Variants in NRXN1 observed in about 807,000 individuals in gnomAD.
NRXN1 encodes neurexin 1.
In NRXN1, 39 loss-of-function variants were observed where a neutral mutation model predicts 150.9. The ratio of observed to expected loss-of-function variants is 0.26; its 90% CI spans 0.20 to 0.34. The LOEUF (loss-of-function observed/expected upper bound fraction) is 0.34, where lower values mean the gene tolerates loss of function less well. NRXN1 is among the 10% of genes least tolerant of loss of function. The pLI is 1.00. For synonymous variants in NRXN1, 924 were observed against 757.0 expected (o/e 1.22, Z -3.62); for missense variants, 1,815 against 1,949.9 (o/e 0.93, Z 1.30).
rs887523759 is a variant in NRXN1 at position 50,630,912 on chromosome 2, A to G, written c.833-7297T>C. On this transcript the variant is annotated intron_variant, in intron 5 of 22. Coordinates refer to ENST00000401669, the MANE Select transcript of NRXN1 (RefSeq NM_001330078.2). ...TTAGAAGTCTGCATTATTAAAACAA[A>G]TAAGCCAGGCTGTCTCTGCTATAAG... is the stretch of plus-strand genomic sequence containing the variant. Among the ~76,000 whole-genome samples the G allele has an allele frequency of 2.0e-5, 3 of 151,800 alleles. No individual in the cohort carries two copies. The South Asian group carries it at 6.2e-4, about 31-fold the overall frequency.
At chr2:50,176,195 T>C (rs936127930) in intron 18 of NRXN1, among the ~76,000 whole-genome samples, 2 of 152,208 alleles carry the variant, frequency 1.3e-5, no homozygotes, top group African/African-American at 4.8e-5. Context: ...TATATGTTTT[T>C]CAGCCCAATG....
chr2:50,368,470 A>G (rs2079767067), intron 17 of NRXN1, among the ~76,000 whole-genome samples: 1 of 152,012 alleles, frequency 6.6e-6, no homozygotes, highest in Non-Finnish European at 1.5e-5. Context: ...CTTTTAGCAG[A>G]AATGTTTGTA....
chr2:50,741,070 T>C (rs184059441), intron 5 of NRXN1, among the ~76,000 whole-genome samples: 29 of 152,250 alleles, frequency 1.9e-4, no homozygotes, highest in African/African-American at 5.3e-4. Context: ...CAGAGCATAA[T>C]TGTGTCTCCC....
At chr2:50,394,323 C>T (rs2081928393) in intron 17 of NRXN1, among the ~76,000 whole-genome samples, 1 of 152,072 alleles carries the variant, frequency 6.6e-6, no homozygotes, top group Admixed American at 6.6e-5. Flanking sequence ...AAACCAAAGT[C>T]TAAAAACAAC....
intron 18 of NRXN1, among the ~76,000 whole-genome samples, chr2:50,197,325 C>A (rs1306373791): frequency 6.6e-6 from 1 of 152,082 alleles, no homozygotes; most frequent in Admixed American, 6.6e-5. Flanking sequence ...TCTTACATGC[C>A]ATTAGCATAT....
At chr2:50,423,904 T>C (rs2084216670) in intron 17 of NRXN1, among the ~76,000 whole-genome samples, 1 of 152,014 alleles carries the variant, frequency 6.6e-6, no homozygotes, top group Non-Finnish European at 1.5e-5. Flanking sequence ...GTATCTGCCA[T>C]AGGCAACAGC....
At chr2:50,036,619 T>A (rs1690083864) in intron 21 of NRXN1, among the ~76,000 whole-genome samples, 1 of 152,170 alleles carries the variant, frequency 6.6e-6, no homozygotes, top group Non-Finnish European at 1.5e-5. Flanking sequence ...TTTTCCTCAT[T>A]TCTTAAGGTG....
At chr2:50,700,633 A>G (rs1342422640) in intron 5 of NRXN1, among the ~76,000 whole-genome samples, 1 of 152,140 alleles carries the variant, frequency 6.6e-6, no homozygotes, top group Non-Finnish European at 1.5e-5. Context: ...GCTCTAATAA[A>G]ATACCCTATT....
intron 5 of NRXN1, among the ~76,000 whole-genome samples, chr2:50,805,908 A>G (rs925032442): frequency 2.0e-5 from 3 of 152,086 alleles, no homozygotes; most frequent in African/African-American, 7.2e-5. Flanking sequence ...TAATAATCAC[A>G]CAGAATATTC....
chr2:50,531,440 G>T lies in NRXN1; in HGVS notation c.2144-10C>A. On this transcript the variant is annotated splice_polypyrimidine_tract_variant and intron_variant, in intron 10 of 22. Transcript: ENST00000401669. ...CTCAAAACCGTTGCCTCTAGAGATG[G>T]AAAATGAATATGATAAGTTCTTGGA... 1 of 1,601,404 alleles carries T rather than the reference G, an allele frequency of 6.2e-7. No individual in the cohort carries two copies.
intron 12 of NRXN1, 155 bp from the exon 13 acceptor site, chr2:50,506,772 A>T (rs2092246680): frequency 1.3e-6 from 1 of 773,586 alleles, no homozygotes; most frequent in South Asian, 2.1e-5. Context: ...GAGAGAAAGG[A>T]AACAGAGAAG....
chr2:50,497,546 T>C lies in NRXN1; in HGVS notation c.2666A>G (p.Asp889Gly). 1 of 1,613,934 alleles carries C rather than the reference T, an allele frequency of 6.2e-7. No homozygotes were observed. Among genetic ancestry groups the C allele is most frequent in the Non-Finnish European group, 8.5e-7 (1 of 1,179,872 alleles). The change falls in exon 14 of 23, where the codon GAT becomes GGT. Residue 889 changes from aspartate (D) to glycine (G), a missense_variant. Physicochemically the swap from Asp to Gly is moderately conservative, Grantham distance 94. Coordinates refer to ENST00000401669, the MANE Select transcript of NRXN1 (RefSeq NM_001330078.2). ...YIDLCKNGDI[D>G]YCELNARFGF... The stretch of plus-strand genomic sequence containing the variant: ...AAATCTGGCATTAAGCTCACAGTAA[T>C]CTATGTCGCCATTTTTACACAGGTC...
intron 17 of NRXN1, among the ~76,000 whole-genome samples, chr2:50,414,758 C>G (rs544879335): frequency 6.6e-6 from 1 of 151,998 alleles, no homozygotes; most frequent in East Asian, 1.9e-4. Context: ...GTTGTATAAC[C>G]TTTAAAAGTA....
chr2:50,992,721 G>A (rs1322239100), intron 2 of NRXN1, among the ~76,000 whole-genome samples: 2 of 151,926 alleles, frequency 1.3e-5, no homozygotes, highest in Non-Finnish European at 2.9e-5. Context: ...GAGCAACTCC[G>A]TTTGTTTTCT....
chr2:50,249,973 A>G (rs2066890026), intron 17 of NRXN1, among the ~76,000 whole-genome samples: 1 of 152,164 alleles, frequency 6.6e-6, no homozygotes, highest in South Asian at 2.1e-4. Context: ...TCATATTTCC[A>G]TTCTTAATAC....
At chr2:50,149,981 T>C (rs191463297) in intron 18 of NRXN1, among the ~76,000 whole-genome samples, 111 of 151,914 alleles carry the variant, frequency 7.3e-4, no homozygotes, top group Non-Finnish European at 1.4e-3. Flanking sequence ...GATTATATAA[T>C]TCAAACCACC....
chr2:50,553,671 T>G (rs1667836144), intron 8 of NRXN1, among the ~76,000 whole-genome samples: 2 of 152,254 alleles, frequency 1.3e-5, no homozygotes, highest in Admixed American at 1.3e-4. Context: ...CACTGCCACA[T>G]GTAGAATATG....
intron 21 of NRXN1, chr2:50,019,397 C>A (rs1049050981): frequency 2.2e-6 from 1 of 456,202 alleles, no homozygotes; most frequent in Non-Finnish European, 4.5e-6. Context: ...GTAATCCTAG[C>A]ACTTTGGGAG....
intron 18 of NRXN1, among the ~76,000 whole-genome samples, chr2:50,183,882 A>G (rs2060899872): frequency 6.6e-6 from 1 of 151,874 alleles, no homozygotes; most frequent in South Asian, 2.1e-4. Context: ...CCTGGTGGGG[A>G]GCTGCAGGCA....
Sources: allele counts gnomAD v4.1 joint callset (sites outside exome capture counted in the v4.1 genomes callset), GRCh38; gene constraint gnomAD v4.1.1; transcripts MANE v1.5; gene names NCBI Gene and HGNC (gene_info 2026-07-23, HGNC 2026-07-21).